The following DOCK11 variants were observed in gnomAD, a reference collection of about 807,000 sequenced individuals.
DOCK11 encodes dedicator of cytokinesis protein 11.
Under a neutral mutation model 169.1 loss-of-function variants are expected in DOCK11, and 70 were observed. The ratio of observed to expected loss-of-function variants is 0.41; its 90% CI spans 0.34 to 0.51. DOCK11 has a LOEUF of 0.51. DOCK11 is among the 20% of genes least tolerant of loss of function. DOCK11 has a pLI of 0.10. For synonymous variants in DOCK11, 529 were observed against 541.3 expected, an observed-to-expected ratio of 0.98 and a Z score of 0.32; for missense variants, 1,166 against 1,538.8, an observed-to-expected ratio of 0.76 and a Z score of 4.05.
chrX:118,660,204 C>T (rs1416184839), intron 44 of DOCK11, among the ~76,000 whole-genome samples: 2 of 112,074 alleles, frequency 1.8e-5, no homozygotes, highest in Non-Finnish European at 1.9e-5. Flanking sequence ...CACATGTTTA[C>T]AACAAGATAA....
chrX:118,528,555 C>T (rs1193248918), intron 1 of DOCK11, among the ~76,000 whole-genome samples: 1 of 111,376 alleles, frequency 9.0e-6, no homozygotes, highest in Non-Finnish European at 1.9e-5. Flanking sequence ...ATAGCAAACA[C>T]TATAGGTAGA....
rs1221000859 is a variant in DOCK11 at position 118,648,875 on chromosome X, G to A, written c.4399-70G>A. On this transcript the variant is annotated intron_variant, in intron 40 of 52. Transcript: ENST00000276202. ...GCATAGTTTTAGGTGAGGATATAGA[G>A]GGCACTTGATATTCTATTGATTTTA... is the stretch of plus-strand genomic sequence containing the variant. 16 of 979,056 alleles carry A rather than the reference G, an allele frequency of 1.6e-5. No individual in the cohort carries two copies. In the Admixed American group the frequency reaches 5.0e-4, roughly 30 times the overall value. 80.7% of individuals were successfully genotyped at this position (979,056 alleles called of 1,213,427 possible).
At chrX:118,597,953 G>A in intron 21 of DOCK11, 77 bp from the exon 22 acceptor site, 1 of 772,565 alleles carries the variant, frequency 1.3e-6, no homozygotes, top group Non-Finnish European at 1.8e-6. Flanking sequence ...TGAAAAAAAT[G>A]TTTAAATGCA....
chrX:118,607,490 T>C (rs1238286615), intron 24 of DOCK11, among the ~76,000 whole-genome samples: 2 of 98,283 alleles, frequency 2.0e-5, no homozygotes, highest in South Asian at 5.2e-4. Flanking sequence ...GGCGTGATCT[T>C]GGCTCACTGC....
intron 39 of DOCK11, among the ~76,000 whole-genome samples, chrX:118,641,672 G>C (rs2015536791): frequency 8.9e-6 from 1 of 111,755 alleles, no homozygotes; most frequent in Non-Finnish European, 1.9e-5. Context: ...CAGGGTAGAT[G>C]ATGTCCGGGC....
chrX:118,540,963 T>C (rs904959363), intron 1 of DOCK11, among the ~76,000 whole-genome samples: 1 of 111,970 alleles, frequency 8.9e-6, no homozygotes, highest in African/African-American at 3.2e-5. Flanking sequence ...TGGTTTAGAA[T>C]AGAGTGTTGA....
intron 50 of DOCK11, 56 bp from the exon 51 acceptor site, chrX:118,681,638 T>C (rs1299145289): frequency 9.9e-6 from 9 of 911,599 alleles, no homozygotes; most frequent in African/African-American, 4.1e-5. Flanking sequence ...ATGCCAAAAC[T>C]TCTTTTGATT....
intron 1 of DOCK11, among the ~76,000 whole-genome samples, chrX:118,533,921 G>A (rs1603038259): frequency 8.9e-6 from 1 of 112,229 alleles, no homozygotes; most frequent in South Asian, 3.7e-4. Flanking sequence ...GCAATAATTT[G>A]TGTATGTCTT....
At chrX:118,577,593 A>C (rs573878252) in intron 12 of DOCK11, among the ~76,000 whole-genome samples, 27 of 111,861 alleles carry the variant, frequency 2.4e-4, no homozygotes, top group African/African-American at 8.4e-4. Flanking sequence ...TTGGGAATTC[A>C]AAGCTGAATC....
At chrX:118,647,755 A>G in intron 40 of DOCK11, among the ~76,000 whole-genome samples, 1 of 45,733 alleles carries the variant, frequency 2.2e-5, no homozygotes, top group East Asian at 6.7e-4. Flanking sequence ...ATATAATAAT[A>G]TATAATATAT....
chrX:118,588,489 G>C lies in DOCK11; in HGVS notation c.2046+11G>C. 1 of 1,156,144 alleles carries C rather than the reference G, an allele frequency of 8.6e-7. No individual in the cohort carries two copies. ...GCTAGTGCCCTAAAGGTTTGTTTAT[G>C]ATATTGATAGGCATATGTTTTTAGT... On this transcript the variant is annotated intron_variant, in intron 18 of 52. Transcript: ENST00000276202.
At chrX:118,515,432 C>A (rs1490177469) in intron 1 of DOCK11, among the ~76,000 whole-genome samples, 2 of 110,967 alleles carry the variant, frequency 1.8e-5, no homozygotes, top group East Asian at 2.8e-4. Flanking sequence ...GGGGTTTCTT[C>A]ATGTTGGTCA....
At chrX:118,549,986 A>G in intron 6 of DOCK11, among the ~76,000 whole-genome samples, 1 of 112,106 alleles carries the variant, frequency 8.9e-6, no homozygotes, top group East Asian at 2.8e-4. Context: ...ATTATAAATT[A>G]TGAATCTCCA....
At chrX:118,614,126 A>G (rs748531632) in intron 28 of DOCK11, among the ~76,000 whole-genome samples, 1 of 111,738 alleles carries the variant, frequency 8.9e-6, no homozygotes, top group African/African-American at 3.3e-5. Context: ...TGAGAGCCTT[A>G]ACTAGGACAA....
chrX:118,555,676 C>A (rs191421891), intron 6 of DOCK11, among the ~76,000 whole-genome samples: 3 of 111,531 alleles, frequency 2.7e-5, no homozygotes, highest in African/African-American at 9.8e-5. Context: ...GGATGAAGTT[C>A]CTGGCATTCT....
At chrX:118,520,948 G>A (rs1018391432) in intron 1 of DOCK11, among the ~76,000 whole-genome samples, 1 of 111,591 alleles carries the variant, frequency 9.0e-6, no homozygotes, top group Admixed American at 9.6e-5. Context: ...ATAAGTGGGG[G>A]CTGCCTTTAG....
chrX:118,521,792 G>C lies in DOCK11; in HGVS notation c.103-20933G>C, dbSNP rs965085630. On this transcript the variant is annotated intron_variant, in intron 1 of 52. Transcript: ENST00000276202. ...CCTATTATCACATTGTATTTGAGTA[G>C]TTTTCTATTGAATATGTATTCTCCC... is the stretch of plus-strand genomic sequence containing the variant. Among the ~76,000 whole-genome samples the C allele has an allele frequency of 2.7e-5, 3 of 111,645 alleles. No individual in the cohort carries two copies. In the South Asian group the frequency reaches 1.1e-3, roughly 41 times the overall value.
chrX:118,663,522 T>C (rs184231604), intron 45 of DOCK11, among the ~76,000 whole-genome samples: 1 of 110,273 alleles, frequency 9.1e-6, no homozygotes, highest in Non-Finnish European at 1.9e-5. Context: ...GGTAGGAAAG[T>C]GTAAGACATG....
chrX:118,628,131 C>T, intron 33 of DOCK11, 32 bp from the exon 34 acceptor site: 2 of 999,614 alleles, frequency 2.0e-6, no homozygotes, highest in Non-Finnish European at 1.4e-6. Flanking sequence ...CCCCCTCTTG[C>T]CAACAAGGGC....
Sources: allele counts gnomAD v4.1 joint callset (sites outside exome capture counted in the v4.1 genomes callset), GRCh38; gene constraint gnomAD v4.1.1; transcripts MANE v1.5; gene names NCBI Gene and HGNC (gene_info 2026-07-23, HGNC 2026-07-21).